Variants in KLF8 observed in about 807,000 individuals in gnomAD.
The protein encoded by KLF8 is KLF transcription factor 8.
In KLF8, 10 loss-of-function variants were observed where a neutral mutation model predicts 18.2. The ratio of observed to expected loss-of-function variants is 0.55; its 90% CI spans 0.34 to 0.93. KLF8 has a LOEUF of 0.93. KLF8 is among the 40% of genes least tolerant of loss of function. The pLI, the probability that KLF8 is intolerant of heterozygous loss-of-function variation, is 0.02. For missense variants in KLF8, 264 were observed against 277.9 expected, an observed-to-expected ratio of 0.95 and a Z score of 0.36; for synonymous variants, 109 against 97.3, an observed-to-expected ratio of 1.12 and a Z score of -0.71.
the KLF8 span, among the ~76,000 whole-genome samples, chrX:55,950,418 C>G: frequency 9.0e-6 from 1 of 111,306 alleles, no homozygotes; most frequent in Non-Finnish European, 1.9e-5. Flanking sequence ...AAAACAGACC[C>G]GGATTCAAGT....
the KLF8 span, among the ~76,000 whole-genome samples, chrX:55,960,597 GAAGGAGAAA>G: frequency 6.3e-5 from 2 of 31,818 alleles, no homozygotes; most frequent in Admixed American, 6.0e-4. Context: ...AGAAGAAGGA[GAAGGAGAAA>G]AAAAGAAGAA....
the KLF8 span, among the ~76,000 whole-genome samples, chrX:55,991,902 C>T: frequency 8.9e-6 from 1 of 112,178 alleles, no homozygotes; most frequent in African/African-American, 3.2e-5. Flanking sequence ...TGTATGTCTT[C>T]TTATGAGAAG....
the KLF8 span, among the ~76,000 whole-genome samples, chrX:56,087,120 C>A: frequency 4.5e-5 from 5 of 111,398 alleles, no homozygotes; most frequent in Admixed American, 9.6e-5. Context: ...CTGATATTAA[C>A]CAAACAGAAC....
chrX:56,269,474 A>C lies in KLF8; in HGVS notation c.743A>C (p.Gln248Pro). ...ESGSSALQSL[Q>P]GLQQEPAAMA... ...GGATCCTCAGCCTTGCAGAGTCTGC[A>C]GGGACTACAGCAAGAGTGAGTACTT... Residue 248 changes from glutamine to proline, a missense_variant, in exon 4 of 6, where the codon CAG becomes CCG. Physicochemically the swap from Gln to Pro is moderately conservative, Grantham distance 76. This residue lies in a region of KLF8 where 221 missense variants were observed against 193.6 expected (regional missense o/e 1.14). Transcript: ENST00000468660. The C allele has an allele frequency of 8.3e-7, 1 of 1,202,922 alleles. No homozygotes were observed. The highest frequency in any genetic ancestry group is 1.1e-6 in the Non-Finnish European group (1 of 891,003).
chrX:56,182,850 C>G, the KLF8 span, among the ~76,000 whole-genome samples: 1 of 112,144 alleles, frequency 8.9e-6, no homozygotes. Context: ...CAGAGTGGCA[C>G]CTGGCTGTAT....
the KLF8 span, among the ~76,000 whole-genome samples, chrX:56,201,882 T>C: frequency 4.5e-5 from 5 of 111,868 alleles, no homozygotes; most frequent in Non-Finnish European, 1.9e-5. Flanking sequence ...TTTCCTGGAC[T>C]TAAATAAAAT....
At chrX:56,092,132 GTCTTT>G in the KLF8 span, among the ~76,000 whole-genome samples, 2 of 110,650 alleles carry the variant, frequency 1.8e-5, no homozygotes, top group African/African-American at 6.6e-5. Context: ...CTTGAAAAAT[GTCTTT>G]TCTTGTCCTT....
the KLF8 span, among the ~76,000 whole-genome samples, chrX:56,226,229 A>G: frequency 8.9e-6 from 1 of 112,244 alleles, no homozygotes; most frequent in Non-Finnish European, 1.9e-5. Context: ...TGTCTAAATA[A>G]GGGAACTCCT....
chrX:55,944,771 C>A, the KLF8 span, among the ~76,000 whole-genome samples: 1 of 111,122 alleles, frequency 9.0e-6, no homozygotes, highest in Admixed American at 9.6e-5. Context: ...TTGATCCTTT[C>A]CAAAAACCAG....
At chrX:56,201,007 G>C in the KLF8 span, among the ~76,000 whole-genome samples, 1 of 111,668 alleles carries the variant, frequency 9.0e-6, no homozygotes, top group Non-Finnish European at 1.9e-5. Context: ...CTACAGTTTT[G>C]ATGAGAGTGT....
At chrX:55,999,539 C>T in the KLF8 span, among the ~76,000 whole-genome samples, 4 of 107,974 alleles carry the variant, frequency 3.7e-5, no homozygotes, top group South Asian at 4.1e-4. Context: ...TTCTTCCAGT[C>T]GAGATATTTT....
the KLF8 span, among the ~76,000 whole-genome samples, chrX:56,004,097 A>G: frequency 2.7e-5 from 3 of 112,397 alleles, no homozygotes; most frequent in African/African-American, 3.2e-5. Context: ...TAGAAGCTCC[A>G]GTTTCTTTTC....
the KLF8 span, among the ~76,000 whole-genome samples, chrX:56,168,063 C>T: frequency 1.8e-5 from 2 of 111,686 alleles, no homozygotes; most frequent in African/African-American, 3.2e-5. Flanking sequence ...TTAAAGAACA[C>T]AATTTTTTCC....
chrX:56,235,555 T>C (rs1475073368), intron 1 of KLF8, among the ~76,000 whole-genome samples: 1 of 109,428 alleles, frequency 9.1e-6, no homozygotes, highest in Non-Finnish European at 1.9e-5. Flanking sequence ...TAGCTGGGAT[T>C]ACAGGCATGC....
In KLF8 at chrX:56,287,188, A is replaced by G. The variant is rs1351938856; in HGVS notation, c.*2694A>G. The G allele has an allele frequency of 8.9e-6, 1 of 112,040 alleles. No individual in the cohort carries two copies. The highest frequency in any genetic ancestry group is 3.2e-5 in the African/African-American group (1 of 30,849). The allele number at this position is 112,040 out of a possible 1,213,427, so 9.2% of individuals were successfully genotyped here. A position where few individuals can be genotyped will look rare whatever the true frequency, so the allele number is the denominator to read the frequency against. On this transcript the variant is annotated 3_prime_UTR_variant, in exon 6 of 6. Coordinates refer to ENST00000468660, the MANE Select transcript of KLF8 (RefSeq NM_007250.5). ...TATCTAAAAATGTTTCTGTAACATA[A>G]TGACAGCCTTTATGTTTGTTAATTG...
chrX:56,233,548 AAGGAG>A (rs2066429673), intron 1 of KLF8, among the ~76,000 whole-genome samples: 2 of 111,954 alleles, frequency 1.8e-5, no homozygotes, highest in Admixed American at 9.4e-5. Flanking sequence ...AAAGGCCAAG[AAGGAG>A]AGGAGAGAGC....
At chrX:56,030,618 G>A in the KLF8 span, among the ~76,000 whole-genome samples, 2 of 109,706 alleles carry the variant, frequency 1.8e-5, no homozygotes, top group African/African-American at 3.3e-5. Flanking sequence ...GGGCATTTGT[G>A]TTCCAGTCTT....
chrX:56,063,579 C>T, the KLF8 span, among the ~76,000 whole-genome samples: 1 of 111,631 alleles, frequency 9.0e-6, no homozygotes, highest in Non-Finnish European at 1.9e-5. Context: ...CCAGAGCTCT[C>T]CTGTATGAGA....
the KLF8 span, among the ~76,000 whole-genome samples, chrX:56,102,353 G>A: frequency 1.8e-5 from 2 of 111,310 alleles, no homozygotes; most frequent in African/African-American, 6.5e-5. Context: ...GGTTACTCTA[G>A]CCTTGTAATA....
Sources: gnomAD v4.1 joint callset for allele counts (sites outside exome capture counted in the v4.1 genomes callset) on GRCh38, gnomAD v4.1.1 for gene constraint, gnomAD v4.1.1 regional missense constraint, MANE v1.5 for transcripts, NCBI Gene and HGNC (gene_info 2026-07-23, HGNC 2026-07-21) for gene names.